The following ADAMTS14 variants were observed in gnomAD, a reference collection of about 807,000 sequenced individuals.
The protein encoded by ADAMTS14 is ADAM metallopeptidase with thrombospondin type 1 motif 14.
ADAMTS14 carries 100 observed loss-of-function variants against 128.6 expected under a neutral mutation model. The observed-to-expected ratio is 0.78, with a 90% CI of 0.66 to 0.92. ADAMTS14 has a LOEUF of 0.92. Among genes scored for constraint, ADAMTS14 ranks in the 40% least tolerant of loss-of-function variants. The probability of loss-of-function intolerance (pLI) is 0.00; values close to 1 mark genes in which losing one functional copy is unlikely to be tolerated. For missense variants in ADAMTS14, 1,562 were observed against 1,658.6 expected (o/e 0.94, Z 1.01); for synonymous variants, 665 against 653.8 (o/e 1.02, Z -0.26).
chr10:70,711,993 GC>G (rs1197586896), intron 4 of ADAMTS14, among the ~76,000 whole-genome samples: 1 of 152,030 alleles, frequency 6.6e-6, no homozygotes, highest in Non-Finnish European at 1.5e-5. Context: ...CATCCCAGGA[GC>G]CTAGCATGTG....
At chr10:70,713,229 C>T (rs1840915934) in intron 4 of ADAMTS14, among the ~76,000 whole-genome samples, 1 of 151,978 alleles carries the variant, frequency 6.6e-6, no homozygotes, top group Non-Finnish European at 1.5e-5. Flanking sequence ...TGCTGGAGCC[C>T]TGCTCCCCAG....
At chr10:70,752,764 G>T (rs1293411457) in intron 18 of ADAMTS14, among the ~76,000 whole-genome samples, 5 of 152,214 alleles carry the variant, frequency 3.3e-5, no homozygotes, top group Admixed American at 6.5e-5. Context: ...GTAGGCGTAG[G>T]GTGCTGCCTG....
rs1841837365 is a variant in ADAMTS14, at chr10:70,736,692, G to A, written c.1498G>A (p.Glu500Lys). 6.2e-7 allele frequency: 1 copy of A among 1,613,686 alleles called. No homozygotes were observed. Among genetic ancestry groups the A allele is most frequent in the Admixed American group, 1.7e-5 (1 of 59,982 alleles). Reference sequence around the variant, plus strand: ...CCTTGCCATGCAGTTCAGGACCTTTGAGCCCTGCAAGCAGCTGTGGTGCAG... The same window carrying A: ...CCTTGCCATGCAGTTCAGGACCTTTAAGCCCTGCAAGCAGCTGTGGTGCAG... ...YQTCLAFRTF[E>K]PCKQLWCSHP... Residue 500 changes from glutamate (E) to lysine (K), a missense_variant, in exon 10 of 22, where the codon GAG becomes AAG. Transcript: ENST00000373207.
rs146215089 is a variant in ADAMTS14 at position 70,759,515 on chromosome 10, T to G, written c.3179-845T>G. 9.1e-4 allele frequency among the ~76,000 whole-genome samples: 138 copies of G among 152,330 alleles called. 1 individual carries two copies. The highest frequency in any genetic ancestry group is 3.0e-3 in the African/African-American group (126 of 41,562). On this transcript the variant is annotated intron_variant, in intron 21 of 21. Coordinates refer to ENST00000373207, the MANE Select transcript of ADAMTS14 (RefSeq NM_080722.4). Reference sequence around the variant, plus strand: ...TTATCTTTGCCAGGTGCTTTAAAGATGTTGTTTGCAATGTTATTATTCACT... The same window carrying G: ...TTATCTTTGCCAGGTGCTTTAAAGAGGTTGTTTGCAATGTTATTATTCACT...
At chr10:70,698,792 G>A (rs775740754) in intron 2 of ADAMTS14, among the ~76,000 whole-genome samples, 18 of 152,238 alleles carry the variant, frequency 1.2e-4, no homozygotes, top group Non-Finnish European at 2.1e-4. Flanking sequence ...GATGGGGAAA[G>A]ACAGATCTTT....
chr10:70,721,035 T>C (rs1034550388), intron 4 of ADAMTS14, among the ~76,000 whole-genome samples: 1 of 144,238 alleles, frequency 6.9e-6, no homozygotes, highest in African/African-American at 2.6e-5. Context: ...TTTTTTTTTT[T>C]TTTTTTTGAG....
At chr10:70,692,444 G>C (rs1284092931) in intron 2 of ADAMTS14, among the ~76,000 whole-genome samples, 2 of 152,196 alleles carry the variant, frequency 1.3e-5, no homozygotes, top group African/African-American at 4.8e-5. Flanking sequence ...TGGAACCCCA[G>C]GTGTTTCCCT....
chr10:70,694,149 G>A (rs1005934312), intron 2 of ADAMTS14, among the ~76,000 whole-genome samples: 3 of 152,202 alleles, frequency 2.0e-5, no homozygotes, highest in Admixed American at 1.3e-4. Flanking sequence ...AAATCTCAGC[G>A]TCGGCAGGCT....
intron 19 of ADAMTS14, among the ~76,000 whole-genome samples, chr10:70,756,114 A>C (rs1189456587): frequency 1.3e-5 from 2 of 152,206 alleles, no homozygotes; most frequent in African/African-American, 2.4e-5. Flanking sequence ...TTAGGTGAGA[A>C]AAAGTACTTC....
At position 70,753,964 on chromosome 10, in the gene ADAMTS14, G is replaced by A. The variant is rs182603055; in HGVS notation, c.2894G>A (p.Arg965Gln). 2.8e-5 allele frequency: 45 copies of A among 1,582,162 alleles called. No homozygotes were observed. Among genetic ancestry groups the A allele is most frequent in the South Asian group, 2.0e-4 (17 of 86,316 alleles). ...CCTGAGGCCCGACGGCCCTGTCTCCGAGTGCCCTGCCCAGCCCAGTGGAGG... is the reference window on the plus strand; with the variant it reads ...CCTGAGGCCCGACGGCCCTGTCTCCAAGTGCCCTGCCCAGCCCAGTGGAGG... ...DRPEARRPCL[R>Q]VPCPAQWRLG... Residue 965 changes from arginine to glutamine, a missense_variant, in exon 19 of 22, where the codon CGA (arginine) becomes CAA (glutamine). Coordinates refer to ENST00000373207, the MANE Select transcript of ADAMTS14 (RefSeq NM_080722.4).
At chr10:70,712,246 A>T (rs1840885238) in intron 4 of ADAMTS14, among the ~76,000 whole-genome samples, 1 of 152,084 alleles carries the variant, frequency 6.6e-6, no homozygotes, top group Non-Finnish European at 1.5e-5. Context: ...GGACAAGAGG[A>T]AGGGCAGGAA....
chr10:70,733,408 G>C (rs959271425), intron 7 of ADAMTS14, among the ~76,000 whole-genome samples: 1 of 152,224 alleles, frequency 6.6e-6, no homozygotes, highest in African/African-American at 2.4e-5. Flanking sequence ...AGAGGCAGGC[G>C]CTGACAGGGG....
At chr10:70,693,209 C>A (rs892374267) in intron 2 of ADAMTS14, among the ~76,000 whole-genome samples, 9 of 152,162 alleles carry the variant, frequency 5.9e-5, no homozygotes, top group African/African-American at 2.2e-4. Flanking sequence ...CCCCATGATC[C>A]AATCACCTCC....
intron 2 of ADAMTS14, among the ~76,000 whole-genome samples, chr10:70,678,194 G>A (rs912546224): frequency 2.0e-5 from 3 of 152,214 alleles, no homozygotes; most frequent in African/African-American, 7.2e-5. Flanking sequence ...GCTTCCATTA[G>A]TACAGGACTT....
intron 10 of ADAMTS14, among the ~76,000 whole-genome samples, chr10:70,737,833 C>A (rs2132695383): frequency 6.6e-6 from 1 of 152,260 alleles, no homozygotes; most frequent in East Asian, 1.9e-4. Flanking sequence ...TTTTAAAACC[C>A]CTCCTATAGA....
At chr10:70,719,125 T>G (rs1308462074) in intron 4 of ADAMTS14, among the ~76,000 whole-genome samples, 1 of 152,026 alleles carries the variant, frequency 6.6e-6, no homozygotes, top group Non-Finnish European at 1.5e-5. Flanking sequence ...CATCTTAGAA[T>G]GCACAGAACA....
rs556898859 is a variant in ADAMTS14, at chr10:70,679,662, G to A, written c.522+4667G>A. ...GCCTGATGCCCTGCGACGGGGTGAC[G>A]GGAGCTTGGCTGCACCGTGTTTCCC... On this transcript the variant is annotated intron_variant, in intron 2 of 21. Transcript: ENST00000373207. Among the ~76,000 whole-genome samples the A allele has an allele frequency of 6.6e-5, 10 of 152,370 alleles. No individual in the cohort carries two copies. The East Asian group carries it at 1.3e-3, about 21-fold the overall frequency.
intron 11 of ADAMTS14, among the ~76,000 whole-genome samples, chr10:70,740,016 C>A (rs554849764): frequency 6.6e-5 from 10 of 152,294 alleles, no homozygotes; most frequent in African/African-American, 2.4e-4. Flanking sequence ...GCAGGCATGA[C>A]CGACAATTAT....
At chr10:70,727,692 G>T (rs1280138282) in intron 4 of ADAMTS14, among the ~76,000 whole-genome samples, 1 of 152,064 alleles carries the variant, frequency 6.6e-6, no homozygotes, top group Non-Finnish European at 1.5e-5. Flanking sequence ...CCCTGACCAT[G>T]CTGGTGGCAT....
Sources: gnomAD v4.1 joint callset for allele counts (sites outside exome capture counted in the v4.1 genomes callset) on GRCh38, gnomAD v4.1.1 for gene constraint, MANE v1.5 for transcripts, NCBI Gene and HGNC (gene_info 2026-07-23, HGNC 2026-07-21) for gene names.